Variants in ROBO2 observed in about 807,000 individuals in gnomAD.
ROBO2 encodes the protein roundabout homolog 2.
In ROBO2, 53 loss-of-function variants were observed where a neutral mutation model predicts 160.8. That is an observed-to-expected ratio of 0.33 (90% CI 0.26 to 0.41). ROBO2 has a LOEUF of 0.41. Ranked by LOEUF, ROBO2 falls within the 10% of genes least tolerant of loss-of-function variation. The pLI is 1.00. For missense variants in ROBO2, 1,577 were observed against 1,722.4 expected (o/e 0.92, Z 1.49); for synonymous variants, 664 against 611.7 (o/e 1.09, Z -1.26).
intron 2 of ROBO2, among the ~76,000 whole-genome samples, chr3:76,010,643 A>G (rs746219469): frequency 2.0e-5 from 3 of 152,220 alleles, no homozygotes; most frequent in Non-Finnish European, 4.4e-5. Context: ...TTGAATGTGA[A>G]TATGTCCACA....
At chr3:76,205,741 C>T (rs1702770343) in intron 2 of ROBO2, among the ~76,000 whole-genome samples, 1 of 152,104 alleles carries the variant, frequency 6.6e-6, no homozygotes, top group African/African-American at 2.4e-5. Flanking sequence ...CCATGCCATC[C>T]CTTTTGGGTT....
At chr3:77,558,887 T>C (rs1174762759) in intron 9 of ROBO2, among the ~76,000 whole-genome samples, 2 of 152,152 alleles carry the variant, frequency 1.3e-5, no homozygotes, top group Non-Finnish European at 2.9e-5. Context: ...GTTAGGAGCC[T>C]AGGCATGACT....
At chr3:76,672,652 G>T (rs1444454437) in intron 2 of ROBO2, among the ~76,000 whole-genome samples, 3 of 152,042 alleles carry the variant, frequency 2.0e-5, no homozygotes, top group Non-Finnish European at 4.4e-5. Flanking sequence ...TATGTAGGGG[G>T]AATTACCGAC....
intron 2 of ROBO2, among the ~76,000 whole-genome samples, chr3:77,454,090 G>C (rs963531624): frequency 6.7e-6 from 1 of 149,344 alleles, no homozygotes; most frequent in African/African-American, 2.5e-5. Context: ...TTCAAGATTA[G>C]CATCTTCCTC....
intron 2 of ROBO2, among the ~76,000 whole-genome samples, chr3:75,967,361 A>G (rs555329706): frequency 6.6e-6 from 1 of 151,608 alleles, no homozygotes; most frequent in Non-Finnish European, 1.5e-5. Flanking sequence ...CTCAGTTCAA[A>G]TATATTGACT....
intron 2 of ROBO2, among the ~76,000 whole-genome samples, chr3:76,753,480 C>T (rs2060793547): frequency 6.6e-6 from 1 of 151,754 alleles, no homozygotes; most frequent in Non-Finnish European, 1.5e-5. Flanking sequence ...CAGTATGCTT[C>T]CTTAGTTTTT....
chr3:76,610,113 T>G (rs2087973948), intron 2 of ROBO2, among the ~76,000 whole-genome samples: 1 of 152,162 alleles, frequency 6.6e-6, no homozygotes, highest in Non-Finnish European at 1.5e-5. Flanking sequence ...TTAATAGCAT[T>G]TGGTTGAGGA....
intron 2 of ROBO2, among the ~76,000 whole-genome samples, chr3:76,946,664 C>T (rs2078565254): frequency 6.6e-6 from 1 of 152,290 alleles, no homozygotes; most frequent in African/African-American, 2.4e-5. Context: ...TCTCGAACTC[C>T]TAACCTCAAG....
At chr3:77,547,960 TAGAC>T (rs1413147908) in intron 7 of ROBO2, among the ~76,000 whole-genome samples, 1 of 151,200 alleles carries the variant, frequency 6.6e-6, no homozygotes, top group Non-Finnish European at 1.5e-5. Context: ...CACACACACT[TAGAC>T]ACACACACAT....
At chr3:77,593,499 A>C (rs189554255) in intron 17 of ROBO2, among the ~76,000 whole-genome samples, 1 of 152,298 alleles carries the variant, frequency 6.6e-6, no homozygotes, top group Admixed American at 6.5e-5. Flanking sequence ...TGCAAAGGTT[A>C]TGTCAGGATT....
At chr3:76,160,545 G>T (rs2072587144) in intron 2 of ROBO2, among the ~76,000 whole-genome samples, 1 of 152,108 alleles carries the variant, frequency 6.6e-6, no homozygotes, top group African/African-American at 2.4e-5. Context: ...CATCTTCATC[G>T]CTGTGTCATC....
chr3:77,455,744 T>C (rs1162702955), intron 2 of ROBO2, among the ~76,000 whole-genome samples: 2 of 152,046 alleles, frequency 1.3e-5, no homozygotes, highest in African/African-American at 4.8e-5. Context: ...ACTCTTTTTT[T>C]TTTTTTTAGA....
chr3:76,101,506 G>T (rs555966634), intron 2 of ROBO2, among the ~76,000 whole-genome samples: 48 of 152,208 alleles, frequency 3.2e-4, no homozygotes, highest in African/African-American at 1.1e-3. Context: ...ATTTTAAAGT[G>T]GTAACGGAAG....
intron 2 of ROBO2, among the ~76,000 whole-genome samples, chr3:76,483,372 T>A (rs375224325): frequency 1.3e-5 from 2 of 151,988 alleles, no homozygotes; most frequent in Non-Finnish European, 1.5e-5. Context: ...GTTTGTTACC[T>A]TGGTATATTG....
intron 2 of ROBO2, among the ~76,000 whole-genome samples, chr3:77,400,554 A>T (rs2075701891): frequency 6.6e-6 from 1 of 152,196 alleles, no homozygotes; most frequent in African/African-American, 2.4e-5. Flanking sequence ...GTATAACCGT[A>T]CAAGTAATTG....
At chr3:77,520,545 CT>C (rs2090489206) in intron 5 of ROBO2, among the ~76,000 whole-genome samples, 1 of 150,990 alleles carries the variant, frequency 6.6e-6, no homozygotes, top group African/African-American at 2.4e-5. Flanking sequence ...GGAATCATGG[CT>C]TCACATATAT....
intron 2 of ROBO2, among the ~76,000 whole-genome samples, chr3:77,442,692 T>C (rs1285441168): frequency 6.6e-6 from 1 of 152,126 alleles, no homozygotes; most frequent in South Asian, 2.1e-4. Context: ...ACCCTAAGTA[T>C]TGAGTACCAG....
At chr3:76,612,115 A>C (rs949256420) in intron 2 of ROBO2, among the ~76,000 whole-genome samples, 3 of 152,352 alleles carry the variant, frequency 2.0e-5, no homozygotes, top group African/African-American at 7.2e-5. Context: ...TGGTCAAAGA[A>C]GATACCTGAT....
At chr3:76,102,136 G>A (rs1462198869) in intron 2 of ROBO2, among the ~76,000 whole-genome samples, 1 of 152,112 alleles carries the variant, frequency 6.6e-6, no homozygotes, top group Non-Finnish European at 1.5e-5. Context: ...GAGCTGCATC[G>A]TTTAATGTAG....
Sources: gnomAD v4.1 joint callset for allele counts (sites outside exome capture counted in the v4.1 genomes callset) on GRCh38, gnomAD v4.1.1 for gene constraint, MANE v1.5 for transcripts, NCBI Gene and HGNC (gene_info 2026-07-23, HGNC 2026-07-21) for gene names.